FARSB: variants seen among roughly 807,000 people sequenced by gnomAD.
The protein encoded by FARSB is phenylalanine--tRNA ligase beta subunit.
Under a neutral mutation model 69.6 loss-of-function variants are expected in FARSB, and 40 were observed. That is an observed-to-expected ratio of 0.57 (90% CI 0.45 to 0.75). The LOEUF (loss-of-function observed/expected upper bound fraction) is 0.75. Ranked by LOEUF, FARSB falls within the 30% of genes least tolerant of loss-of-function variation. The probability of loss-of-function intolerance (pLI) is 0.00; values close to 1 mark genes in which losing one functional copy is unlikely to be tolerated. For missense variants in FARSB, 632 were observed against 722.9 expected, an observed-to-expected ratio of 0.87 and a Z score of 1.44; for synonymous variants, 235 against 247.2, an observed-to-expected ratio of 0.95 and a Z score of 0.46.
At chr2:222,592,488 T>TA (rs1690300506) in intron 16 of FARSB, among the ~76,000 whole-genome samples, 1 of 152,110 alleles carries the variant, frequency 6.6e-6, no homozygotes, top group Non-Finnish European at 1.5e-5. Flanking sequence ...AAACTGCTGA[T>TA]ACCTGAGGAA....
intron 16 of FARSB, among the ~76,000 whole-genome samples, chr2:222,584,664 T>C (rs1690061115): frequency 6.6e-6 from 1 of 151,988 alleles, no homozygotes; most frequent in South Asian, 2.1e-4. Flanking sequence ...TTTCCAACAG[T>C]CTTAGCAAAC....
intron 16 of FARSB, among the ~76,000 whole-genome samples, chr2:222,588,094 C>T (rs1287401643): frequency 4.6e-5 from 7 of 152,120 alleles, no homozygotes; most frequent in African/African-American, 1.7e-4. Context: ...TGATGAACAT[C>T]GATGCAAAAA....
chr2:222,649,809 AG>A (rs1691982171), intron 1 of FARSB, among the ~76,000 whole-genome samples: 2 of 152,212 alleles, frequency 1.3e-5, no homozygotes, highest in African/African-American at 4.8e-5. Context: ...TTAGCTTTTC[AG>A]GGTTCTCACA....
chr2:222,600,825 T>C (rs1190013040), intron 15 of FARSB, among the ~76,000 whole-genome samples: 1 of 152,184 alleles, frequency 6.6e-6, no homozygotes, highest in Non-Finnish European at 1.5e-5. Context: ...ATAAGAAGCT[T>C]AGGATACTGG....
intron 8 of FARSB, among the ~76,000 whole-genome samples, chr2:222,630,707 AC>A (rs1253761677): frequency 6.6e-6 from 1 of 152,180 alleles, no homozygotes; most frequent in Non-Finnish European, 1.5e-5. Flanking sequence ...AAATACCGTG[AC>A]CTTATTGGAA....
intron 16 of FARSB, among the ~76,000 whole-genome samples, chr2:222,593,428 A>G (rs1690328587): frequency 6.6e-6 from 1 of 152,254 alleles, no homozygotes; most frequent in Non-Finnish European, 1.5e-5. Flanking sequence ...ATCCATTGCT[A>G]GATCTCCAAG....
intron 16 of FARSB, among the ~76,000 whole-genome samples, chr2:222,590,802 C>G (rs1690249504): frequency 6.6e-6 from 1 of 152,140 alleles, no homozygotes; most frequent in Non-Finnish European, 1.5e-5. Flanking sequence ...AAAATTGACT[C>G]TGTACTGATC....
At chr2:222,628,939 A>G in intron 9 of FARSB, 51 bp from the exon 10 acceptor site, 1 of 1,284,104 alleles carries the variant, frequency 7.8e-7, no homozygotes, top group South Asian at 1.2e-5. Flanking sequence ...TGTGCCATAA[A>G]TTACAGACAT....
Position 222,624,521 on chromosome 2 carries a change from T to C in FARSB, c.963-42A>G, listed in dbSNP as rs779558949. ...CAAACCATAAACTTCATTGGATTAT[T>C]TTTTTAATGTTTACATTGTGTTTCA... On this transcript the variant is annotated intron_variant, in intron 11 of 16. Coordinates refer to ENST00000281828, the MANE Select transcript of FARSB (RefSeq NM_005687.5). 9.7e-6 allele frequency: 13 copies of C among 1,334,746 alleles called. No homozygotes were observed. In the South Asian group the frequency reaches 1.6e-4, roughly 16 times the overall value. The allele number at this position is 1,334,746 out of a possible 1,614,324, so 82.7% of individuals were successfully genotyped here. A position where few individuals can be genotyped will look rare whatever the true frequency, so the allele number is the denominator to read the frequency against.
intron 1 of FARSB, among the ~76,000 whole-genome samples, chr2:222,650,333 A>G (rs182756149): frequency 6.6e-6 from 1 of 152,340 alleles, no homozygotes; most frequent in African/African-American, 2.4e-5. Flanking sequence ...CTGGGCAAAA[A>G]CATGATTAGA....
intron 10 of FARSB, among the ~76,000 whole-genome samples, chr2:222,626,984 C>T (rs1413572024): frequency 1.3e-5 from 2 of 151,996 alleles, no homozygotes; most frequent in East Asian, 3.9e-4. Context: ...TGCAGTGAGC[C>T]GAGATCGCGC....
At chr2:222,624,185 C>G (rs1202374230) in intron 12 of FARSB, 87 bp downstream of exon 12, 1 of 876,574 alleles carries the variant, frequency 1.1e-6, no homozygotes, top group Non-Finnish European at 1.9e-6. Flanking sequence ...CTGCTTGATT[C>G]CTACGTTCTG....
At chr2:222,644,384 G>A in intron 2 of FARSB, 1 of 329,258 alleles carries the variant, frequency 3.0e-6, no homozygotes, top group Non-Finnish European at 6.1e-6. Context: ...ACAAGAGAAT[G>A]AAGAGGAGGA....
chr2:222,575,528 C>A (rs1249623481), intron 16 of FARSB, among the ~76,000 whole-genome samples: 1 of 152,162 alleles, frequency 6.6e-6, no homozygotes, highest in African/African-American at 2.4e-5. Context: ...AATCTAAGCC[C>A]AAAATGCTCC....
chr2:222,581,537 C>G (rs1268555559), intron 16 of FARSB, among the ~76,000 whole-genome samples: 1 of 152,110 alleles, frequency 6.6e-6, no homozygotes, highest in African/African-American at 2.4e-5. Flanking sequence ...TTAAAGGTTT[C>G]TAGAATCTTG....
chr2:222,655,717 C>T (rs1692157344), intron 1 of FARSB, among the ~76,000 whole-genome samples: 2 of 152,258 alleles, frequency 1.3e-5, no homozygotes, highest in African/African-American at 4.8e-5. Flanking sequence ...CCCGGGTTTC[C>T]TTCCTGTTCT....
intron 1 of FARSB, among the ~76,000 whole-genome samples, chr2:222,654,590 T>TA (rs1241024631): frequency 6.6e-6 from 1 of 152,208 alleles, no homozygotes. Flanking sequence ...AAGCTCATTA[T>TA]AAAATAAAGC....
rs748777302 is a variant in FARSB at position 222,571,900 on chromosome 2, G to A, written c.1741C>T (p.Leu581=). Residue 581 remains leucine, a synonymous_variant, in exon 17 of 17, where the codon CTA becomes TTA. Coordinates refer to ENST00000281828, the MANE Select transcript of FARSB (RefSeq NM_005687.5). ...KFELTMPCSS[L]EINVGPFL ...AAAAAGGGTCCAACATTGATTTCTA[G>A]GGAGGAGCAGGGCATGGTCAGCTCA... 3 of 1,613,278 alleles carry A rather than the reference G, an allele frequency of 1.9e-6. No homozygotes were observed. The South Asian group carries it at 3.3e-5, about 18-fold the overall frequency.
At chr2:222,654,967 G>A (rs560269143) in intron 1 of FARSB, among the ~76,000 whole-genome samples, 3 of 152,210 alleles carry the variant, frequency 2.0e-5, no homozygotes, top group Non-Finnish European at 2.9e-5. Flanking sequence ...GGGAGGCCGC[G>A]GCAGGTGGAT....
Sources: gnomAD v4.1 joint callset for allele counts (sites outside exome capture counted in the v4.1 genomes callset) on GRCh38, gnomAD v4.1.1 for gene constraint, MANE v1.5 for transcripts, NCBI Gene and HGNC (gene_info 2026-07-23, HGNC 2026-07-21) for gene names.